The following SCARB1 variants were observed in gnomAD, a reference collection of about 807,000 sequenced individuals.
SCARB1 encodes the protein scavenger receptor class B member 1.
In SCARB1, 30 loss-of-function variants were observed where a neutral mutation model predicts 57.2. The ratio of observed to expected loss-of-function variants is 0.52; its 90% confidence interval spans 0.39 to 0.71. SCARB1 has a LOEUF of 0.71. Ranked by LOEUF, SCARB1 falls within the 30% of genes least tolerant of loss-of-function variation. SCARB1 has a pLI of 0.00. For missense variants in SCARB1, 543 were observed against 671.2 expected, an observed-to-expected ratio of 0.81 and a Z score of 2.11; for synonymous variants, 249 against 268.3, an observed-to-expected ratio of 0.93 and a Z score of 0.70.
chr12:124,806,886 GA>G (rs1950342755), intron 7 of SCARB1, among the ~76,000 whole-genome samples: 2 of 152,134 alleles, frequency 1.3e-5, no homozygotes, highest in Admixed American at 6.6e-5. Context: ...CCAGGCTACA[GA>G]GTGATACCTT....
rs558751114 is a variant in SCARB1, at chr12:124,827,042, A to G, written c.127-9335T>C. On this transcript the variant is annotated intron_variant, in intron 1 of 12. Coordinates refer to ENST00000261693, the MANE Select transcript of SCARB1 (RefSeq NM_005505.5). ...ATAACATACGAGCCACCGTCCGAAC[A>G]TTGGCCTACAAGCCCCTCTGCCTGG... Among the ~76,000 whole-genome samples the G allele has an allele frequency of 3.2e-3, 483 of 152,300 alleles. 3 individuals carry two copies. Among genetic ancestry groups the G allele is most frequent in the African/African-American group, 0.011 (460 of 41,552 alleles).
chr12:124,789,849 A>G lies in SCARB1; in HGVS notation c.1203-2392T>C, dbSNP rs35647985. Among the ~76,000 whole-genome samples the G allele has an allele frequency of 0.045, 6,863 of 151,892 alleles. 250 individuals are homozygous for G. The highest frequency in any genetic ancestry group is 0.1 in the African/African-American group (4,187 of 41,352). On this transcript the variant is annotated intron_variant, in intron 9 of 12. Coordinates refer to ENST00000261693, the MANE Select transcript of SCARB1 (RefSeq NM_005505.5). This position sits in a 1 kb window ranked among gnomAD's most constrained non-coding sequence, Gnocchi z 4.4. Reference sequence around the variant, plus strand: ...AACATGGTGAAACCCCATCTCTACTAAAAATATAAAAATTGGCCGGACGTG... The same window carrying G: ...AACATGGTGAAACCCCATCTCTACTGAAAATATAAAAATTGGCCGGACGTG...
intron 12 of SCARB1, among the ~76,000 whole-genome samples, chr12:124,779,479 G>T (rs1288248140): frequency 6.6e-6 from 1 of 152,126 alleles, no homozygotes; most frequent in Admixed American, 6.5e-5. Flanking sequence ...CGCAGGACGT[G>T]GGGAGGGGGA....
intron 1 of SCARB1, among the ~76,000 whole-genome samples, chr12:124,851,595 C>T (rs967602498): frequency 9.3e-5 from 14 of 149,888 alleles, no homozygotes; most frequent in East Asian, 2.0e-4. Flanking sequence ...CAAAGTGAAA[C>T]ATAAAGGATT....
At chr12:124,786,017 TCC>T in intron 11 of SCARB1, 4 of 1,469,724 alleles carry the variant, frequency 2.7e-6, no homozygotes, top group Non-Finnish European at 2.7e-6. Context: ...CTGCTGTACG[TCC>T]CCTCGCCCCT....
At chr12:124,788,750 C>G (rs1462266898) in intron 9 of SCARB1, among the ~76,000 whole-genome samples, 1 of 152,170 alleles carries the variant, frequency 6.6e-6, no homozygotes, top group Non-Finnish European at 1.5e-5. Context: ...TCTATACTGC[C>G]AAACCTAATT....
chr12:124,849,226 G>A (rs1952292622), intron 1 of SCARB1, among the ~76,000 whole-genome samples: 1 of 152,158 alleles, frequency 6.6e-6, no homozygotes, highest in Admixed American at 6.6e-5. Context: ...AGAGAAGCCT[G>A]GGATGCTGCT....
intron 7 of SCARB1, among the ~76,000 whole-genome samples, chr12:124,801,480 A>G (rs1950127080): frequency 6.6e-6 from 1 of 152,210 alleles, no homozygotes; most frequent in Non-Finnish European, 1.5e-5. Flanking sequence ...AAAACAAAAC[A>G]AAACAAAAAC....
chr12:124,821,493 C>A, intron 1 of SCARB1: 3 of 985,282 alleles, frequency 3.0e-6, no homozygotes, highest in Non-Finnish European at 3.6e-6. Flanking sequence ...CTCTCTCTCT[C>A]TCTCTCCCCA....
At chr12:124,844,470 C>T (rs146029653) in intron 1 of SCARB1, among the ~76,000 whole-genome samples, 21 of 152,260 alleles carry the variant, frequency 1.4e-4, no homozygotes, top group African/African-American at 4.6e-4. Context: ...AGTGTCCCCC[C>T]AAAATTCCCA....
chr12:124,778,233 G>A lies in SCARB1; in HGVS notation c.*354C>T, dbSNP rs546100832. ...GGAAGCCTGGGCCCAACGGCTGAAC[G>A]GGACAGGCCAGGCTCACCCGAGGAA... On this transcript the variant is annotated 3_prime_UTR_variant, in exon 13 of 13. Coordinates refer to ENST00000261693, the MANE Select transcript of SCARB1 (RefSeq NM_005505.5). 6 of 391,924 alleles carry A rather than the reference G, an allele frequency of 1.5e-5. No individual in the cohort carries two copies. The highest frequency in any genetic ancestry group is 6.4e-4 in the Middle Eastern group (1 of 1,570). The allele number at this position is 391,924 out of a possible 1,614,324, so 24.3% of individuals were successfully genotyped here.
chr12:124,819,121 C>T (rs964023624), intron 1 of SCARB1, among the ~76,000 whole-genome samples: 10 of 120,054 alleles, frequency 8.3e-5, no homozygotes, highest in African/African-American at 2.8e-4. Context: ...AAGCAACACC[C>T]TGTCTCATAA....
At chr12:124,840,754 T>C (rs941166979) in intron 1 of SCARB1, among the ~76,000 whole-genome samples, 1 of 151,828 alleles carries the variant, frequency 6.6e-6, no homozygotes, top group Non-Finnish European at 1.5e-5. Flanking sequence ...CTCGAATATG[T>C]TCCCTTCTTT....
At chr12:124,823,156 T>G (rs1466635716) in intron 1 of SCARB1, among the ~76,000 whole-genome samples, 1 of 152,234 alleles carries the variant, frequency 6.6e-6, no homozygotes, top group Non-Finnish European at 1.5e-5. Context: ...GTGAAAATTC[T>G]GTTTCCTGAT....
chr12:124,814,346 T>C lies in SCARB1; in HGVS notation c.486A>G (p.Ala162=), dbSNP rs1215433885. Residue 162 remains alanine, a synonymous_variant, in exon 4 of 13, where the codon GCA becomes GCG. Transcript: ENST00000261693. The surrounding 1 kb of genome is among the most constrained non-coding windows in gnomAD (Gnocchi z 4.7). ...PMTLKLIMTL[A]FTTLGERAFM... ...AGGCACGTTCGCCGAGGGTGGTGAATGCCAAGGTCATGATGAGCTTCAGGG... is the reference window on the plus strand; with the variant it reads ...AGGCACGTTCGCCGAGGGTGGTGAACGCCAAGGTCATGATGAGCTTCAGGG... 3 of 1,614,132 alleles carry C rather than the reference T, an allele frequency of 1.9e-6. No individual in the cohort carries two copies. Among genetic ancestry groups the C allele is most frequent in the Admixed American group, 1.7e-5 (1 of 60,030 alleles).
intron 5 of SCARB1, among the ~76,000 whole-genome samples, chr12:124,811,582 A>G (rs1241345805): frequency 6.6e-6 from 1 of 152,238 alleles, no homozygotes; most frequent in East Asian, 1.9e-4. Context: ...CCTTCAAAAC[A>G]TTTTTGTAAG....
Position 124,817,769 on chromosome 12 carries a change from A to T in SCARB1, c.127-62T>A, listed in dbSNP as rs951527572. On this transcript the variant is annotated intron_variant, in intron 1 of 12. Coordinates refer to ENST00000261693, the MANE Select transcript of SCARB1 (RefSeq NM_005505.5). This position sits in a 1 kb window ranked among gnomAD's most constrained non-coding sequence, Gnocchi z 4.8. ...TGATGAGGGCCCCACGCCCCACCAC[A>T]AGGCTCCGGAACAGCTGCCCGAGCC... The T allele has an allele frequency of 6.3e-7, 1 of 1,583,098 alleles. No individual in the cohort carries two copies. Among genetic ancestry groups the T allele is most frequent in the East Asian group, 2.2e-5 (1 of 44,738 alleles).
Position 124,817,636 on chromosome 12 carries a change from G to A in SCARB1, c.198C>T (p.Ser66=), listed in dbSNP as rs138402577. ...WKEIPIPFYL[S]VYFFDVMNPS... The stretch of plus-strand genomic sequence containing the variant: ...GGTTCATGACGTCAAAGAAGTAGAC[G>A]GAGAGATAGAAGGGGATAGGGATCT... The change falls in exon 2 of 13, where the codon TCC becomes TCT. Residue 66 remains serine, a synonymous_variant. Coordinates refer to ENST00000261693, the MANE Select transcript of SCARB1 (RefSeq NM_005505.5). This position sits in a 1 kb window ranked among gnomAD's most constrained non-coding sequence, Gnocchi z 4.8. 3.2e-5 allele frequency: 51 copies of A among 1,614,080 alleles called. No homozygotes were observed. Among genetic ancestry groups the A allele is most frequent in the African/African-American group, 6.7e-5 (5 of 74,940 alleles).
rs140189449 is a variant in SCARB1 at position 124,799,388 on chromosome 12, G to A, written c.1128+736C>T. Among the ~76,000 whole-genome samples, 1,479 of 152,126 alleles carry A rather than the reference G, an allele frequency of 9.7e-3. 33 individuals are homozygous for A. The highest frequency in any genetic ancestry group is 0.033 in the African/African-American group (1,384 of 41,474). The stretch of plus-strand genomic sequence containing the variant: ...AAAAATATAAAAATTAGCCAGGCAT[G>A]GTGGTACATGTCTGTAGTCCTGGCT... On this transcript the variant is annotated intron_variant, in intron 8 of 12. Transcript: ENST00000261693.
Sources: allele counts gnomAD v4.1 joint callset (sites outside exome capture counted in the v4.1 genomes callset), GRCh38; gene constraint gnomAD v4.1.1; non-coding constraint Gnocchi (gnomAD v3.1); transcripts MANE v1.5; gene names NCBI Gene and HGNC (gene_info 2026-07-23, HGNC 2026-07-21).